Variants in FAM184A observed in about 807,000 individuals in gnomAD.
The protein encoded by FAM184A is protein FAM184A.
A neutral mutation model predicts 143.8 loss-of-function variants in FAM184A; 99 were observed. The observed-to-expected ratio is 0.69, with a 90% CI of 0.58 to 0.81. FAM184A has a LOEUF of 0.81. Ranked by LOEUF, FAM184A falls within the 40% of genes least tolerant of loss-of-function variation. The pLI is 0.00. For synonymous variants in FAM184A, 427 were observed against 446.4 expected (o/e 0.96, Z 0.55); for missense variants, 1,217 against 1,310.5 (o/e 0.93, Z 1.10).
chr6:119,105,838 T>G (rs1179725651), intron 1 of FAM184A, among the ~76,000 whole-genome samples: 7 of 152,218 alleles, frequency 4.6e-5, no homozygotes, highest in Non-Finnish European at 8.8e-5. Flanking sequence ...TTATAATCTG[T>G]ACTTTGACAG....
rs536709188 is a variant in FAM184A, at chr6:119,084,231, C to A, written c.-201-59418G>T. On this transcript the variant is annotated intron_variant, in intron 1 of 16. Transcript: ENST00000352896. ...CTCCCAGCAGGTCTCTCCCTCAACA[C>A]ATAGGGATTACAATTCAAGATGAGA... Among the ~76,000 whole-genome samples the A allele has an allele frequency of 1.6e-4, 25 of 152,296 alleles. No homozygotes were observed. In the South Asian group the frequency reaches 5.2e-3, roughly 32 times the overall value.
At chr6:118,999,305 TC>T (rs1185711675) in intron 9 of FAM184A, among the ~76,000 whole-genome samples, 1 of 152,196 alleles carries the variant, frequency 6.6e-6, no homozygotes, top group African/African-American at 2.4e-5. Context: ...AATATAAAAG[TC>T]ATATTAAGCT....
intron 14 of FAM184A, among the ~76,000 whole-genome samples, chr6:118,969,594 C>T (rs1272524108): frequency 6.6e-6 from 1 of 152,186 alleles, no homozygotes; most frequent in Non-Finnish European, 1.5e-5. Context: ...CCGCAGGCAG[C>T]TCTCATAACC....
intron 1 of FAM184A, among the ~76,000 whole-genome samples, chr6:119,123,338 G>A (rs1173590052): frequency 4.6e-5 from 7 of 152,010 alleles, no homozygotes; most frequent in Admixed American, 4.6e-4. Flanking sequence ...GCAGTGAGCC[G>A]AGATCATGCC....
At position 118,964,703 on chromosome 6, in the gene FAM184A, T is replaced by C. The variant is rs1378986071; in HGVS notation, c.3102A>G (p.Ser1034=). 2 of 1,608,716 alleles carry C rather than the reference T, an allele frequency of 1.2e-6. No individual in the cohort carries two copies. The highest frequency in any genetic ancestry group is 8.5e-7 in the Non-Finnish European group (1 of 1,175,894). Residue 1034 remains serine (S), a synonymous_variant, in exon 16 of 18, where the codon TCA becomes TCG. Transcript: ENST00000338891. ...GATTAATAACACCAACAGTAGGACT[T>C]GAGTTAAACACTTTGTTGAAGTTAG... ...RETNFNKVFN[S]SPTVGVINPL...
rs780098717 is a variant in FAM184A, at chr6:119,003,574, T to C, written c.1864A>G (p.Met622Val). The C allele has an allele frequency of 3.1e-6, 5 of 1,612,794 alleles. No homozygotes were observed. The highest frequency in any genetic ancestry group is 2.7e-5 in the African/African-American group (2 of 74,902). Reference sequence around the variant, plus strand: ...ACTTTGAGCTTCTCTTCTTCTTTCATGGCAGCAATTGTTTCTTCATGCTGT... The same window carrying C: ...ACTTTGAGCTTCTCTTCTTCTTTCACGGCAGCAATTGTTTCTTCATGCTGT... ...RQQHEETIAAMKEEEKLKVDK... is the reference protein window; with the variant it reads ...RQQHEETIAAVKEEEKLKVDK... The change falls in exon 8 of 18, where the codon ATG becomes GTG. Residue 622 changes from methionine (M) to valine (V), a missense_variant. Transcript: ENST00000338891.
At chr6:119,015,095 G>T (rs1785201021) in intron 5 of FAM184A, among the ~76,000 whole-genome samples, 1 of 151,856 alleles carries the variant, frequency 6.6e-6, no homozygotes, top group South Asian at 2.1e-4. Context: ...AAGAAAAGCA[G>T]CAGCAGCAGC....
At chr6:119,135,968 CA>C (rs996738253) in intron 1 of FAM184A, among the ~76,000 whole-genome samples, 36 of 143,754 alleles carry the variant, frequency 2.5e-4, no homozygotes, top group Admixed American at 2.1e-4. Flanking sequence ...GTTTTCCTGC[CA>C]AAAAAAAAAG....
At chr6:118,979,286 TTGG>T (rs1233553212) in intron 11 of FAM184A, 76 bp downstream of exon 11, 2 of 1,368,464 alleles carry the variant, frequency 1.5e-6, no homozygotes, top group Non-Finnish European at 2.0e-6. Context: ...AAAATAAAAC[TTGG>T]TGATTTTATG....
In FAM184A at chr6:119,019,967, T is replaced by C. The variant is rs745542653; in HGVS notation, c.1332+11A>G. 7.2e-6 allele frequency: 11 copies of C among 1,537,240 alleles called. No individual in the cohort carries two copies. Among genetic ancestry groups the C allele is most frequent in the Admixed American group, 4.4e-5 (2 of 45,270 alleles). On this transcript the variant is annotated intron_variant, in intron 4 of 17. Transcript: ENST00000338891. ...TCTTTCGGGGGGAATGGAGTGTCCATTACTTTTTACCTTCTCCAGTTCTAG... is the reference window on the plus strand; with the variant it reads ...TCTTTCGGGGGGAATGGAGTGTCCACTACTTTTTACCTTCTCCAGTTCTAG...
chr6:119,136,049 C>T (rs1019022099), intron 1 of FAM184A, among the ~76,000 whole-genome samples: 2 of 149,822 alleles, frequency 1.3e-5, no homozygotes, highest in East Asian at 1.9e-4. Flanking sequence ...GAGGCCGAGG[C>T]GGGTGGATCA....
intron 1 of FAM184A, among the ~76,000 whole-genome samples, chr6:119,034,416 T>C (rs1417427092): frequency 6.6e-6 from 1 of 152,036 alleles, no homozygotes; most frequent in African/African-American, 2.4e-5. Flanking sequence ...TTTAACTTAA[T>C]AGAATATTAT....
intron 1 of FAM184A, among the ~76,000 whole-genome samples, chr6:119,121,716 C>T (rs927681423): frequency 2.6e-5 from 4 of 152,038 alleles, no homozygotes; most frequent in Admixed American, 6.5e-5. Context: ...CACTTATATC[C>T]GGCTTCATGC....
intron 9 of FAM184A, among the ~76,000 whole-genome samples, chr6:118,991,710 CGG>C (rs1280198709): frequency 7.4e-6 from 1 of 134,844 alleles, no homozygotes; most frequent in Admixed American, 8.0e-5. Context: ...GTCGGAATAA[CGG>C]AATAACAGCC....
chr6:118,963,785 T>A (rs1424426733), intron 16 of FAM184A: 1 of 151,924 alleles, frequency 6.6e-6, no homozygotes, highest in African/African-American at 2.4e-5. Flanking sequence ...TGTATATATA[T>A]AATCATTTAT....
At chr6:118,994,554 C>T (rs1008845949) in intron 9 of FAM184A, among the ~76,000 whole-genome samples, 2 of 151,802 alleles carry the variant, frequency 1.3e-5, no homozygotes, top group African/African-American at 2.4e-5. Context: ...GGCATGGTTG[C>T]GCGCACCTGT....
intron 1 of FAM184A, among the ~76,000 whole-genome samples, chr6:119,038,554 C>T (rs2114722503): frequency 6.6e-6 from 1 of 152,228 alleles, no homozygotes. Context: ...TTATAAATGC[C>T]ATGGCAACGT....
chr6:119,045,336 G>A (rs1196191673), intron 1 of FAM184A, among the ~76,000 whole-genome samples: 1 of 145,208 alleles, frequency 6.9e-6, no homozygotes, highest in Non-Finnish European at 1.5e-5. Context: ...GTATATCAAG[G>A]AAAGAGACCC....
chr6:119,084,552 G>T (rs1017421087), intron 1 of FAM184A, among the ~76,000 whole-genome samples: 1 of 152,218 alleles, frequency 6.6e-6, no homozygotes. Flanking sequence ...AGTGCCTGTG[G>T]CATTTCCAGG....
Sources: allele counts gnomAD v4.1 joint callset (sites outside exome capture counted in the v4.1 genomes callset), GRCh38; gene constraint gnomAD v4.1.1; transcripts MANE v1.5; gene names NCBI Gene and HGNC (gene_info 2026-07-23, HGNC 2026-07-21).